SPRTN: variants seen among roughly 807,000 people sequenced by gnomAD.
SPRTN encodes the protein DNA-dependent metalloprotease SPRTN.
SPRTN carries 11 observed loss-of-function variants against 31.9 expected under a neutral mutation model. The ratio of observed to expected loss-of-function variants is 0.34; its 90% confidence interval spans 0.22 to 0.57. The LOEUF is 0.57. Ranked by LOEUF, SPRTN falls within the 20% of genes least tolerant of loss-of-function variation. The pLI is 0.86. For synonymous variants in SPRTN, 185 were observed against 212.1 expected (o/e 0.87, Z 1.11); for missense variants, 482 against 590.1 (o/e 0.82, Z 1.90).
intron 2 of SPRTN, among the ~76,000 whole-genome samples, chr1:231,344,946 C>T (rs1295858789): frequency 2.6e-5 from 4 of 152,138 alleles, no homozygotes; most frequent in African/African-American, 9.7e-5. Context: ...CAGTGTCCTC[C>T]TCTATCTTGA....
chr1:231,352,343 A>C, intron 4 of SPRTN: 1 of 1,139,608 alleles, frequency 8.8e-7, no homozygotes, highest in East Asian at 4.5e-5. Context: ...TTTCAAGGTA[A>C]ATGTTGCCTT....
At chr1:231,341,556 G>C (rs866936801) in intron 2 of SPRTN, among the ~76,000 whole-genome samples, 3 of 151,930 alleles carry the variant, frequency 2.0e-5, no homozygotes, top group South Asian at 2.1e-4. Flanking sequence ...AAGACTTCAA[G>C]GGAAGAAGTT....
chr1:231,352,339 G>C (rs203743), intron 4 of SPRTN: 125,185 of 1,130,812 alleles, frequency 0.11, 7,484 homozygotes, highest in Non-Finnish European at 0.12. Flanking sequence ...CAATTTTCAA[G>C]GTAAATGTTG....
chr1:231,350,273 A>C (rs898835632), intron 3 of SPRTN, among the ~76,000 whole-genome samples: 1 of 152,250 alleles, frequency 6.6e-6, no homozygotes, highest in Non-Finnish European at 1.5e-5. Context: ...AGGGGAATTT[A>C]TTAGAAAGCT....
intron 2 of SPRTN, among the ~76,000 whole-genome samples, chr1:231,345,612 A>T (rs1232577301): frequency 6.6e-6 from 1 of 152,246 alleles, no homozygotes; most frequent in East Asian, 1.9e-4. Context: ...ATGACCTTGC[A>T]TGCTAGTCTA....
At chr1:231,350,416 T>A (rs1198598951) in intron 3 of SPRTN, among the ~76,000 whole-genome samples, 1 of 152,108 alleles carries the variant, frequency 6.6e-6, no homozygotes, top group Non-Finnish European at 1.5e-5. Context: ...TGCTCTATAG[T>A]CTTCAGTGCC....
chr1:231,342,499 C>T (rs915910347), intron 2 of SPRTN, among the ~76,000 whole-genome samples: 3 of 152,000 alleles, frequency 2.0e-5, no homozygotes, highest in South Asian at 2.1e-4. Flanking sequence ...GATATGATCT[C>T]GGCTCACTGC....
chr1:231,351,227 A>G (rs1572000856), intron 3 of SPRTN, 77 bp from the exon 4 acceptor site: 3 of 1,225,714 alleles, frequency 2.4e-6, no homozygotes, highest in Non-Finnish European at 3.1e-6. Context: ...AAAAAAAAAA[A>G]AAGACTGCTT....
chr1:231,340,955 A>G (rs1686868451), intron 2 of SPRTN, among the ~76,000 whole-genome samples: 1 of 152,152 alleles, frequency 6.6e-6, no homozygotes, highest in Admixed American at 6.6e-5. Flanking sequence ...TATACTCAAC[A>G]CTGAACTGTA....
At chr1:231,352,170 A>G (rs940151364) in intron 4 of SPRTN, 1 of 990,134 alleles carries the variant, frequency 1.0e-6, no homozygotes, top group Non-Finnish European at 1.2e-6. Flanking sequence ...TGTTGACCCA[A>G]GAACATAGGT....
chr1:231,354,071 T>G lies in SPRTN; in HGVS notation c.*710T>G, dbSNP rs1687321643. On this transcript the variant is annotated 3_prime_UTR_variant, in exon 5 of 5. Coordinates refer to ENST00000295050, the MANE Select transcript of SPRTN (RefSeq NM_032018.7). The stretch of plus-strand genomic sequence containing the variant: ...AATTTTATATTGAGTTTAGCTGTTT[T>G]CTCAAAATTTAGCAGAGTGGTTAAA... The G allele has an allele frequency of 3.1e-6, 3 of 980,492 alleles. No individual in the cohort carries two copies. In the Admixed American group the frequency reaches 1.8e-4, roughly 60 times the overall value. The allele number at this position is 980,492 out of a possible 1,614,324, so 60.7% of individuals were successfully genotyped here.
rs781554000 is a variant in SPRTN at position 231,346,754 on chromosome 1, C to A, written c.322-1043C>A. ...GGTCAGGAGTTTAAGACCATCCTTG[C>A]CAATATGGCCAAACCCCATCTCTAC... On this transcript the variant is annotated intron_variant, in intron 2 of 4. Transcript: ENST00000295050. Among the ~76,000 whole-genome samples, 9 of 152,154 alleles carry A rather than the reference C, an allele frequency of 5.9e-5. 1 individual carries two copies. The highest frequency in any genetic ancestry group is 6.8e-3 in the Middle Eastern group (2 of 292).
chr1:231,352,204 T>C (rs1687259217), intron 4 of SPRTN: 2 of 991,706 alleles, frequency 2.0e-6, no homozygotes, highest in Admixed American at 5.9e-5. Context: ...TCTTTAATTA[T>C]TGAGTGAAAG....
Position 231,352,847 on chromosome 1 carries a change from C to T in SPRTN, c.956C>T (p.Ala319Val). ...AAAAATTCTCATCTGGTCTCCCCTG[C>T]TGTTAGTAACAGTCACCAAAATGTT... is the stretch of plus-strand genomic sequence containing the variant. Reference protein sequence around the residue: ...SSKNSHLVSPAVSNSHQNVLS... With the variant: ...SSKNSHLVSPVVSNSHQNVLS... The change falls in exon 5 of 5, where the codon GCT becomes GTT. Residue 319 changes from alanine to valine, a missense_variant. Physicochemically the swap from Ala to Val is moderately conservative, Grantham distance 64. This residue lies in a region of SPRTN where 325 missense variants were observed against 350.2 expected (regional missense o/e 0.93). Coordinates refer to ENST00000295050, the MANE Select transcript of SPRTN (RefSeq NM_032018.7). The T allele has an allele frequency of 6.2e-7, 1 of 1,613,996 alleles. No individual in the cohort carries two copies. The highest frequency in any genetic ancestry group is 8.5e-7 in the Non-Finnish European group (1 of 1,179,950).
intron 2 of SPRTN, chr1:231,344,709 A>G: frequency 3.0e-6 from 1 of 332,512 alleles, no homozygotes; most frequent in East Asian, 8.5e-5. Context: ...GAGGATCATG[A>G]AAAAGGTATG....
intron 2 of SPRTN, among the ~76,000 whole-genome samples, chr1:231,344,317 A>G (rs1427305673): frequency 6.6e-6 from 1 of 152,164 alleles, no homozygotes; most frequent in African/African-American, 2.4e-5. Flanking sequence ...CTGTCTGGGT[A>G]AGATGGTGAG....
At chr1:231,351,239 TG>T in intron 3 of SPRTN, 64 bp from the exon 4 acceptor site, 2 of 1,328,672 alleles carry the variant, frequency 1.5e-6, no homozygotes, top group East Asian at 2.7e-5. Flanking sequence ...AGACTGCTTA[TG>T]TAAATTGTTT....
At chr1:231,343,457 C>A (rs1686963975) in intron 2 of SPRTN, among the ~76,000 whole-genome samples, 2 of 152,154 alleles carry the variant, frequency 1.3e-5, no homozygotes, top group African/African-American at 4.8e-5. Context: ...TGAGGCACAA[C>A]TGTAGTTACC....
intron 2 of SPRTN, among the ~76,000 whole-genome samples, chr1:231,341,243 G>A (rs910535280): frequency 6.6e-6 from 1 of 151,588 alleles, no homozygotes; most frequent in African/African-American, 2.4e-5. Context: ...ATGAGGAAAA[G>A]TAATCATCCA....
Sources: allele counts gnomAD v4.1 joint callset (sites outside exome capture counted in the v4.1 genomes callset), GRCh38; gene constraint gnomAD v4.1.1; regional missense constraint gnomAD v4.1.1; transcripts MANE v1.5; gene names NCBI Gene and HGNC (gene_info 2026-07-23, HGNC 2026-07-21).